The following ZNF540 variants were observed in gnomAD, a reference collection of about 807,000 sequenced individuals.
The protein encoded by ZNF540 is CTD-3064H18.6.
Under a neutral mutation model 11.8 loss-of-function variants are expected in ZNF540, and 3 were observed. The ratio of observed to expected loss-of-function variants is 0.25; its 90% CI spans 0.12 to 0.65. The LOEUF (loss-of-function observed/expected upper bound fraction) is 0.65. ZNF540 is among the 30% of genes least tolerant of loss of function. The probability of loss-of-function intolerance (pLI) is 0.83; values close to 1 mark genes in which losing one functional copy is unlikely to be tolerated. For missense variants in ZNF540, 709 were observed against 793.1 expected, an observed-to-expected ratio of 0.89 and a Z score of 1.27; for synonymous variants, 247 against 259.0, an observed-to-expected ratio of 0.95 and a Z score of 0.45.
At position 37,565,502 on chromosome 19, in the gene ZNF540, C is replaced by G. The variant is rs200938011; in HGVS notation, c.-73+13837C>G. The G allele has an allele frequency of 1.3e-5, 21 of 1,613,610 alleles. No homozygotes were observed. The highest frequency in any genetic ancestry group is 1.8e-5 in the Non-Finnish European group (21 of 1,179,862). On this transcript the variant is annotated intron_variant, in intron 1 of 4. Transcript: ENST00000592533. ...AATAAAGGCCTTTCCACATTCCTTACACTCATAAGGTTTCTCACCACTATG... is the reference window on the plus strand; with the variant it reads ...AATAAAGGCCTTTCCACATTCCTTAGACTCATAAGGTTTCTCACCACTATG...
intron 1 of ZNF540, among the ~76,000 whole-genome samples, chr19:37,571,440 G>T (rs2043048069): frequency 6.7e-6 from 1 of 150,176 alleles, no homozygotes; most frequent in Admixed American, 6.6e-5. Context: ...AGGTTGCAGT[G>T]AGCCGAGATC....
At chr19:37,602,161 C>T (rs943197546) in intron 4 of ZNF540, among the ~76,000 whole-genome samples, 1 of 152,064 alleles carries the variant, frequency 6.6e-6, no homozygotes, top group Non-Finnish European at 1.5e-5. Flanking sequence ...AGCTAACAGA[C>T]ATGCCATGGG....
intron 1 of ZNF540, chr19:37,564,379 G>A: frequency 2.6e-6 from 1 of 383,224 alleles, no homozygotes; most frequent in Non-Finnish European, 4.6e-6. Flanking sequence ...TGGTGAAATG[G>A]AGATGATGCT....
chr19:37,568,586 G>T (rs1374072925), intron 1 of ZNF540, among the ~76,000 whole-genome samples: 2 of 151,994 alleles, frequency 1.3e-5, no homozygotes, highest in Non-Finnish European at 1.5e-5. Context: ...ATGATTCTGG[G>T]GTAGGAGGCA....
chr19:37,611,944 A>G lies in ZNF540; in HGVS notation c.664A>G (p.Lys222Glu). ...ATCCTGTAAATGTGAGAAATGTGGG[A>G]AAGTTTTTAGTCATAGCTATCAACT... ...EKSCKCEKCG[K>E]VFSHSYQLTL... Residue 222 changes from lysine (K) to glutamate (E), a missense_variant, in exon 5 of 5, where the codon AAA becomes GAA. Lys to Glu is a moderately conservative substitution (Grantham distance 56). Transcript: ENST00000316433. The G allele has an allele frequency of 6.2e-7, 1 of 1,613,680 alleles. No homozygotes were observed. The highest frequency in any genetic ancestry group is 8.5e-7 in the Non-Finnish European group (1 of 1,179,968).
intron 1 of ZNF540, chr19:37,583,374 A>G (rs1319005176): frequency 6.6e-6 from 1 of 152,330 alleles, no homozygotes; most frequent in Non-Finnish European, 1.5e-5. Context: ...TAGCTCCCTT[A>G]TTAAAACAAA....
chr19:37,567,576 G>A (rs895578335), intron 1 of ZNF540: 1 of 152,158 alleles, frequency 6.6e-6, no homozygotes, highest in African/African-American at 2.4e-5. Context: ...TTATTGGCCT[G>A]ATTTAAGTTC....
At chr19:37,572,614 G>A (rs1471056948) in intron 1 of ZNF540, among the ~76,000 whole-genome samples, 1 of 152,156 alleles carries the variant, frequency 6.6e-6, no homozygotes, top group Non-Finnish European at 1.5e-5. Flanking sequence ...CCGCAGATAA[G>A]GGGGAACTGC....
At chr19:37,584,107 C>T (rs372297610) in intron 1 of ZNF540, 69 of 1,613,782 alleles carry the variant, frequency 4.3e-5, no homozygotes, top group Non-Finnish European at 7.6e-6. Context: ...ACTGAAACAA[C>T]AAATCCATTA....
intron 4 of ZNF540, 86 bp downstream of exon 4, chr19:37,601,191 C>A: frequency 8.7e-7 from 1 of 1,143,830 alleles, no homozygotes; most frequent in African/African-American, 1.6e-5. Flanking sequence ...GCTTTGCATG[C>A]TGTTTAGGGA....
At chr19:37,580,352 G>A (rs1440953624) in intron 1 of ZNF540, among the ~76,000 whole-genome samples, 3 of 152,192 alleles carry the variant, frequency 2.0e-5, no homozygotes, top group African/African-American at 7.2e-5. Flanking sequence ...TTTATTCACT[G>A]ATTCCCATAT....
intron 1 of ZNF540, among the ~76,000 whole-genome samples, chr19:37,568,326 C>CG (rs397961652): frequency 1.3e-5 from 2 of 150,626 alleles, no homozygotes; most frequent in Admixed American, 6.6e-5. Flanking sequence ...TACCCCCCCC[C>CG]ACTTGCCATA....
At chr19:37,564,933 C>T in intron 1 of ZNF540, 2 of 1,613,978 alleles carry the variant, frequency 1.2e-6, no homozygotes, top group Non-Finnish European at 1.7e-6. Flanking sequence ...TAGGGCTTTT[C>T]ACCTGTATGA....
chr19:37,566,687 C>A (rs1158775257), intron 1 of ZNF540, among the ~76,000 whole-genome samples: 3 of 152,270 alleles, frequency 2.0e-5, no homozygotes, highest in African/African-American at 7.2e-5. Flanking sequence ...CATCCTAGGC[C>A]AAGTCACCCC....
intron 1 of ZNF540, chr19:37,554,777 T>C (rs2042642226): frequency 6.6e-6 from 1 of 152,214 alleles, no homozygotes; most frequent in Admixed American, 6.5e-5. Context: ...AACGCCACAC[T>C]TTGAGACGAA....
chr19:37,564,829 T>A lies in ZNF540; in HGVS notation c.-73+13164T>A, dbSNP rs777572548. 9.3e-6 allele frequency: 15 copies of A among 1,613,880 alleles called. No homozygotes were observed. In the South Asian group the frequency reaches 1.6e-4, roughly 18 times the overall value. ...CACGAATAAAAGCCTTCCCACACTGTTTACATTCATAAGGTTTTTCACCTC... is the reference window on the plus strand; with the variant it reads ...CACGAATAAAAGCCTTCCCACACTGATTACATTCATAAGGTTTTTCACCTC... On this transcript the variant is annotated intron_variant, in intron 1 of 4. Transcript: ENST00000592533.
At chr19:37,609,011 T>C (rs2044106598) in intron 4 of ZNF540, among the ~76,000 whole-genome samples, 1 of 152,150 alleles carries the variant, frequency 6.6e-6, no homozygotes, top group Non-Finnish European at 1.5e-5. Context: ...AACTTATCTG[T>C]GTTAATAAGA....
At chr19:37,567,345 C>G (rs2042896742) in intron 1 of ZNF540, among the ~76,000 whole-genome samples, 1 of 152,198 alleles carries the variant, frequency 6.6e-6, no homozygotes, top group Admixed American at 6.5e-5. Context: ...TTCCTTCATT[C>G]ATAAATCTCC....
At chr19:37,553,149 TTTG>T (rs1275114281) in intron 1 of ZNF540, among the ~76,000 whole-genome samples, 45 of 76,142 alleles carry the variant, frequency 5.9e-4, no homozygotes, top group African/African-American at 2.3e-3. Flanking sequence ...TTTTTTTTTT[TTTG>T]GAGACAGTCT....
Sources: allele counts gnomAD v4.1 joint callset (sites outside exome capture counted in the v4.1 genomes callset), GRCh38; gene constraint gnomAD v4.1.1; transcripts MANE v1.5; gene names NCBI Gene and HGNC (gene_info 2026-07-23, HGNC 2026-07-21).